The following KCNN2 variants were observed in gnomAD, a reference collection of about 807,000 sequenced individuals.
KCNN2 encodes small conductance calcium-activated potassium channel protein 2.
In KCNN2, 24 loss-of-function variants were observed where a neutral mutation model predicts 55.5. That is an observed-to-expected ratio of 0.43 (90% CI 0.31 to 0.61). The LOEUF (loss-of-function observed/expected upper bound fraction) is 0.61. KCNN2 is among the 20% of genes least tolerant of loss of function. The pLI, the probability that KCNN2 is intolerant of heterozygous loss-of-function variation, is 0.08. For missense variants in KCNN2, 754 were observed against 853.6 expected (o/e 0.88, Z 1.45); for synonymous variants, 431 against 336.1 (o/e 1.28, Z -3.09).
chr5:114,406,737 G>C (rs976557617), intron 3 of KCNN2, among the ~76,000 whole-genome samples: 7 of 152,058 alleles, frequency 4.6e-5, no homozygotes, highest in African/African-American at 1.7e-4. Context: ...TCATGTTGGG[G>C]ACTTTCTTTG....
intron 3 of KCNN2, among the ~76,000 whole-genome samples, chr5:114,439,516 A>T (rs183647534): frequency 6.6e-6 from 1 of 152,260 alleles, no homozygotes; most frequent in East Asian, 1.9e-4. Flanking sequence ...CCTAGGAGCC[A>T]TAAAAATATA....
rs144078168 is a variant in KCNN2, at chr5:114,454,828, A to G, written c.1638-8221A>G. 5.8e-3 allele frequency among the ~76,000 whole-genome samples: 889 copies of G among 152,258 alleles called. 5 individuals carry two copies. The highest frequency in any genetic ancestry group is 0.02 in the African/African-American group (846 of 41,544). Reference sequence around the variant, plus strand: ...TTTTAGCTTTGGACTTTATCCACACATTTTGTGGTACTTGGTTTCTCCAAG... The same window carrying G: ...TTTTAGCTTTGGACTTTATCCACACGTTTTGTGGTACTTGGTTTCTCCAAG... On this transcript the variant is annotated intron_variant, in intron 3 of 7. Transcript: ENST00000673685.
intron 3 of KCNN2, among the ~76,000 whole-genome samples, chr5:114,417,202 C>A (rs1235506393): frequency 6.6e-6 from 1 of 152,112 alleles, no homozygotes; most frequent in Non-Finnish European, 1.5e-5. Context: ...ATGAAATACC[C>A]AATATAAAAA....
intron 1 of KCNN2, among the ~76,000 whole-genome samples, chr5:114,080,081 G>A (rs1750776260): frequency 6.6e-6 from 1 of 152,136 alleles, no homozygotes; most frequent in African/African-American, 2.4e-5. Context: ...TGGAGATGAT[G>A]TTAGTCCCTT....
chr5:114,169,438 T>A (rs537028383), intron 1 of KCNN2, among the ~76,000 whole-genome samples: 1 of 152,134 alleles, frequency 6.6e-6, no homozygotes, highest in South Asian at 2.1e-4. Context: ...TGAAAAAGAA[T>A]GCTGAATTTC....
chr5:114,301,742 A>G (rs972024253), intron 2 of KCNN2, among the ~76,000 whole-genome samples: 1 of 152,178 alleles, frequency 6.6e-6, no homozygotes, highest in South Asian at 2.1e-4. Flanking sequence ...AAAAACTTAC[A>G]GAAGACTGTA....
chr5:114,155,707 C>G (rs1211313823), intron 1 of KCNN2, among the ~76,000 whole-genome samples: 1 of 152,052 alleles, frequency 6.6e-6, no homozygotes, highest in Non-Finnish European at 1.5e-5. Flanking sequence ...CGGTTCATGT[C>G]CTTTGCCCAC....
Position 114,392,620 on chromosome 5 carries a change from T to G in KCNN2, c.1219-11818T>G, listed in dbSNP as rs151194545. 1.6e-3 allele frequency among the ~76,000 whole-genome samples: 243 copies of G among 152,286 alleles called. 1 individual carries two copies. The highest frequency in any genetic ancestry group is 5.6e-3 in the African/African-American group (234 of 41,572). On this transcript the variant is annotated intron_variant, in intron 2 of 7. Coordinates refer to ENST00000673685, the MANE Select transcript of KCNN2 (RefSeq NM_021614.4). ...TTCAATTTTTTCCCTCCTGCAGTTC[T>G]GGGCTGAGGATCTTGGAGGAGATCT...
At chr5:114,160,046 C>A (rs570420489) in intron 1 of KCNN2, among the ~76,000 whole-genome samples, 1 of 152,112 alleles carries the variant, frequency 6.6e-6, no homozygotes, top group African/African-American at 2.4e-5. Context: ...CTTCTGCTAG[C>A]TTTTGAATGT....
chr5:114,300,783 C>T (rs1380553697), intron 2 of KCNN2, among the ~76,000 whole-genome samples: 1 of 152,120 alleles, frequency 6.6e-6, no homozygotes, highest in Non-Finnish European at 1.5e-5. Flanking sequence ...TAAGAGGGTA[C>T]TTCATGTAAT....
At chr5:114,088,622 G>A (rs1441803315) in intron 1 of KCNN2, among the ~76,000 whole-genome samples, 1 of 151,754 alleles carries the variant, frequency 6.6e-6, no homozygotes, top group Admixed American at 6.6e-5. Flanking sequence ...GTTGTTATTT[G>A]TTTTGTTTTG....
At chr5:114,191,955 C>T (rs1197857878) in intron 1 of KCNN2, among the ~76,000 whole-genome samples, 2 of 152,130 alleles carry the variant, frequency 1.3e-5, no homozygotes, top group South Asian at 2.1e-4. Flanking sequence ...CAGGAACAGA[C>T]TCACATTTAA....
At chr5:114,077,570 AG>A (rs985954217) in intron 1 of KCNN2, among the ~76,000 whole-genome samples, 1 of 152,190 alleles carries the variant, frequency 6.6e-6, no homozygotes, top group Non-Finnish European at 1.5e-5. Context: ...CATTCTAATC[AG>A]GTGGTAGATG....
chr5:114,097,876 G>A (rs2220317), intron 1 of KCNN2, among the ~76,000 whole-genome samples: 48,765 of 152,036 alleles, frequency 0.32, 9,024 homozygotes, highest in African/African-American at 0.51. Context: ...GCTTCCTTCA[G>A]TCTCCTTTAT....
intron 2 of KCNN2, among the ~76,000 whole-genome samples, chr5:114,232,635 C>G (rs1561533136): frequency 6.6e-6 from 1 of 150,880 alleles, no homozygotes; most frequent in Non-Finnish European, 1.5e-5. Context: ...TTGATGATCT[C>G]TTTTTTTAAA....
intron 1 of KCNN2, among the ~76,000 whole-genome samples, chr5:114,197,033 T>C (rs559872348): frequency 6.6e-6 from 1 of 152,260 alleles, no homozygotes; most frequent in Admixed American, 6.5e-5. Flanking sequence ...TTTTGTTTCA[T>C]TGTGTTTTCA....
chr5:114,492,565 A>G (rs1266902960), intron 6 of KCNN2, among the ~76,000 whole-genome samples: 1 of 152,172 alleles, frequency 6.6e-6, no homozygotes, highest in Non-Finnish European at 1.5e-5. Flanking sequence ...AATATAGTAA[A>G]TAAAGTTAAA....
intron 2 of KCNN2, among the ~76,000 whole-genome samples, chr5:114,250,373 G>T (rs1203990719): frequency 6.6e-6 from 1 of 152,144 alleles, no homozygotes; most frequent in African/African-American, 2.4e-5. Flanking sequence ...AGCCCACTCA[G>T]ATAGGGTCTC....
rs10658266 is a variant in KCNN2 at position 114,232,925 on chromosome 5, G to GTTTTTTTTTTTTTTTTTT, written c.-185+11373_-185+11374insTTTTTTTTTTTTTTTTTT. Among the ~76,000 whole-genome samples the GTTTTTTTTTTTTTTTTTT allele has an allele frequency of 2.4e-4, 18 of 76,274 alleles. 3 individuals are homozygous for GTTTTTTTTTTTTTTTTTT. The highest frequency in any genetic ancestry group is 1.2e-3 in the East Asian group (2 of 1,722). 50.0% of individuals were successfully genotyped at this position (76,274 alleles called of 152,430 possible). On this transcript the variant is annotated intron_variant, in intron 2 of 10. Coordinates refer to the KCNN2 transcript ENST00000512097. ...GAGGTAATTTTTTATATTGTTTCTT[G>GTTTTTTTTTTTTTTTTTT]TTTTTTTTTTTTTGAGACGGAGTCT...
Sources: gnomAD v4.1 joint callset for allele counts (sites outside exome capture counted in the v4.1 genomes callset) on GRCh38, gnomAD v4.1.1 for gene constraint, MANE v1.5 for transcripts, NCBI Gene and HGNC (gene_info 2026-07-23, HGNC 2026-07-21) for gene names.